COL10A1: variants seen among roughly 807,000 people sequenced by gnomAD.
COL10A1 encodes collagen type X alpha 1 chain.
COL10A1 carries 10 observed loss-of-function variants against 18.2 expected under a neutral mutation model. The ratio of observed to expected loss-of-function variants is 0.55; its 90% CI spans 0.34 to 0.93. COL10A1 has a LOEUF of 0.93. Ranked by LOEUF, COL10A1 falls within the 40% of genes least tolerant of loss-of-function variation. The probability of loss-of-function intolerance (pLI) is 0.02; values close to 1 mark genes in which losing one functional copy is unlikely to be tolerated. For synonymous variants in COL10A1, 330 were observed against 316.6 expected (o/e 1.04, Z -0.45); for missense variants, 897 against 853.5 (o/e 1.05, Z -0.64).
chr6:116,204,022 G>GA, the COL10A1 span, among the ~76,000 whole-genome samples: 242 of 151,566 alleles, frequency 1.6e-3, 1 homozygote, highest in African/African-American at 5.6e-3. Flanking sequence ...TAGACCCGCT[G>GA]AAAAAAAACC....
Position 116,120,973 on chromosome 6 carries a change from G to A in COL10A1, c.1143C>T (p.Ser381=). 1 of 1,613,902 alleles carries A rather than the reference G, an allele frequency of 6.2e-7. No individual in the cohort carries two copies. Among genetic ancestry groups the A allele is most frequent in the South Asian group, 1.1e-5 (1 of 91,064 alleles). The change falls in exon 3 of 3, where the codon TCC becomes TCT. Residue 381 remains serine, a synonymous_variant. Coordinates refer to ENST00000651968, the MANE Select transcript of COL10A1 (RefSeq NM_000493.4). The stretch of plus-strand genomic sequence containing the variant: ...ACCCTGGTTTTCCATCTGACCCAGG[G>A]GAACCCCTTTCACCCTTAGCCCCAG... ...GYPGAKGERG[S]PGSDGKPGYP...
In COL10A1 at chr6:116,120,428, G is replaced by A; in HGVS notation, c.1688C>T (p.Pro563Leu). Reference sequence around the variant, plus strand: ...AAATGGTATGGGAGTTCCTATTGCTGGGTAAGCTTTGGAGAGAATAACAGT... The same window carrying A: ...AAATGGTATGGGAGTTCCTATTGCTAGGTAAGCTTTGGAGAGAATAACAGT... ...AFTVILSKAY[P>L]AIGTPIPFDK... Residue 563 changes from proline to leucine, a missense_variant, in exon 3 of 3, where the codon CCA (proline) becomes CTA (leucine). By Grantham distance (98) the Pro-to-Leu change is moderately conservative (BLOSUM62 -3). Coordinates refer to ENST00000651968, the MANE Select transcript of COL10A1 (RefSeq NM_000493.4). 1 of 1,614,244 alleles carries A rather than the reference G, an allele frequency of 6.2e-7. No individual in the cohort carries two copies. Among genetic ancestry groups the A allele is most frequent in the East Asian group, 2.2e-5 (1 of 44,888 alleles).
chr6:116,136,907 G>A (rs1582826694), intron 1 of COL10A1, among the ~76,000 whole-genome samples: 3 of 152,282 alleles, frequency 2.0e-5, no homozygotes, highest in East Asian at 1.9e-4. Flanking sequence ...AATCCAGCCT[G>A]TGTTTGTCGT....
the COL10A1 span, among the ~76,000 whole-genome samples, chr6:116,206,492 A>G: frequency 6.6e-6 from 1 of 151,974 alleles, no homozygotes; most frequent in Non-Finnish European, 1.5e-5. Flanking sequence ...ACCCAGGAAC[A>G]CTGGAGACCA....
the COL10A1 span, among the ~76,000 whole-genome samples, chr6:116,213,467 G>A: frequency 6.6e-6 from 1 of 152,020 alleles, no homozygotes; most frequent in Non-Finnish European, 1.5e-5. Context: ...GCTACACCTG[G>A]AACTAACACA....
chr6:116,213,300 A>T, the COL10A1 span, among the ~76,000 whole-genome samples: 1 of 152,168 alleles, frequency 6.6e-6, no homozygotes, highest in East Asian at 1.9e-4. Context: ...TTTTAGCTCA[A>T]CACTCAGCTG....
At chr6:116,194,753 A>G in the COL10A1 span, among the ~76,000 whole-genome samples, 1 of 152,096 alleles carries the variant, frequency 6.6e-6, no homozygotes. Flanking sequence ...AGAGTTAGAA[A>G]CAAATGACTA....
the COL10A1 span, among the ~76,000 whole-genome samples, chr6:116,181,061 G>T: frequency 6.6e-6 from 1 of 150,966 alleles, no homozygotes; most frequent in African/African-American, 2.5e-5. Flanking sequence ...ATGGTATCTT[G>T]AATTTACTTT....
rs1478373203 is a variant in COL10A1, at chr6:116,121,668, C to A, written c.448G>T (p.Ala150Ser). Residue 150 changes from alanine to serine, a missense_variant, in exon 3 of 3, where the codon GCT (alanine) becomes TCT (serine). Coordinates refer to ENST00000651968, the MANE Select transcript of COL10A1 (RefSeq NM_000493.4). The part of the protein sequence containing the change: ...PPGPPGIPGP[A>S]GISVPGKPGQ... ...GGTTTTCCTGGCACAGAAATTCCAGCCGGTCCAGGGATTCCAGGTGGTCCT... is the reference window on the plus strand; with the variant it reads ...GGTTTTCCTGGCACAGAAATTCCAGACGGTCCAGGGATTCCAGGTGGTCCT... 3.1e-6 allele frequency: 5 copies of A among 1,613,886 alleles called. No individual in the cohort carries two copies. The highest frequency in any genetic ancestry group is 4.2e-6 in the Non-Finnish European group (5 of 1,179,820).
At position 116,121,619 on chromosome 6, in the gene COL10A1, G is replaced by C; in HGVS notation, c.497C>G (p.Ala166Gly). Residue 166 changes from alanine to glycine, a missense_variant, in exon 3 of 3, where the codon GCC becomes GGC. Coordinates refer to ENST00000651968, the MANE Select transcript of COL10A1 (RefSeq NM_000493.4). The part of the protein sequence containing the change: ...GKPGQQGPTG[A>G]PGPRGFPGEK... The stretch of plus-strand genomic sequence containing the variant: ...TCCAGGAAAGCCCCTGGGTCCTGGG[G>C]CTCCTGTGGGTCCCTGTTGTCCAGG... 1 of 1,613,908 alleles carries C rather than the reference G, an allele frequency of 6.2e-7. No individual in the cohort carries two copies.
chr6:116,134,424 C>T (rs891484355), intron 1 of COL10A1, among the ~76,000 whole-genome samples: 4 of 152,126 alleles, frequency 2.6e-5, no homozygotes, highest in Admixed American at 6.6e-5. Flanking sequence ...CTTTCCTGAA[C>T]GTAATTCAAG....
chr6:116,121,802 A>G lies in COL10A1; in HGVS notation c.314T>C (p.Val105Ala), dbSNP rs1276767457. 1.2e-6 allele frequency: 2 copies of G among 1,612,218 alleles called. No individual in the cohort carries two copies. Among genetic ancestry groups the G allele is most frequent in the Admixed American group, 1.7e-5 (1 of 59,854 alleles). ...GLPGPPGPSA[V>A]GKPGVPGLPG... Reference sequence around the variant, plus strand: ...GAGTCCTGGCACACCTGGTTTCCCTACAGCTGATGGTCCCGGTGGTCCTGG... The same window carrying G: ...GAGTCCTGGCACACCTGGTTTCCCTGCAGCTGATGGTCCCGGTGGTCCTGG... The change falls in exon 3 of 3, where the codon GTA becomes GCA. Residue 105 changes from valine to alanine, a missense_variant. By Grantham distance (64) the Val-to-Ala change is moderately conservative. Transcript: ENST00000651968.
chr6:116,133,019 C>T (rs1014462907), intron 1 of COL10A1, among the ~76,000 whole-genome samples: 2 of 151,986 alleles, frequency 1.3e-5, no homozygotes, highest in African/African-American at 4.8e-5. Context: ...TATGAAAAAC[C>T]CCTGAAACGT....
the COL10A1 span, among the ~76,000 whole-genome samples, chr6:116,208,816 A>G: frequency 2.1e-3 from 326 of 152,156 alleles, 1 homozygote; most frequent in African/African-American, 7.7e-3. Context: ...TAGCAAAGGC[A>G]CATATAGATA....
At chr6:116,205,723 T>C in the COL10A1 span, among the ~76,000 whole-genome samples, 1 of 152,026 alleles carries the variant, frequency 6.6e-6, no homozygotes, top group Non-Finnish European at 1.5e-5. Flanking sequence ...TTTTCACTAA[T>C]TGTATTTACA....
the COL10A1 span, among the ~76,000 whole-genome samples, chr6:116,175,665 C>G: frequency 6.6e-6 from 1 of 152,114 alleles, no homozygotes; most frequent in African/African-American, 2.4e-5. Flanking sequence ...GACTACTGTT[C>G]AAGTTCAGTG....
At position 116,123,437 on chromosome 6, in the gene COL10A1, A is replaced by G. The variant is rs57868643; in HGVS notation, c.155-1476T>C. Among the ~76,000 whole-genome samples, 301 of 152,314 alleles carry G rather than the reference A, an allele frequency of 2.0e-3. 1 individual carries two copies. The highest frequency in any genetic ancestry group is 7.1e-3 in the African/African-American group (295 of 41,570). On this transcript the variant is annotated intron_variant, in intron 2 of 2. Coordinates refer to ENST00000651968, the MANE Select transcript of COL10A1 (RefSeq NM_000493.4). ...GCACAATCCTCAAGGTAAAACGACT[A>G]CTTCCTTCTATTAAGTTTTTTAAAT...
At chr6:116,178,092 C>T in the COL10A1 span, among the ~76,000 whole-genome samples, 17,281 of 67,826 alleles carry the variant, frequency 0.25, 1,119 homozygotes, top group Middle Eastern at 0.34. Context: ...TGTGTGTGCG[C>T]GCGCGCGCGC....
intron 1 of COL10A1, among the ~76,000 whole-genome samples, chr6:116,155,372 G>A (rs944107682): frequency 1.3e-5 from 2 of 151,888 alleles, no homozygotes; most frequent in African/African-American, 2.4e-5. Context: ...TTATTTTTTG[G>A]TTTTTGTCAC....
Sources: gnomAD v4.1 joint callset for allele counts (sites outside exome capture counted in the v4.1 genomes callset) on GRCh38, gnomAD v4.1.1 for gene constraint, MANE v1.5 for transcripts, NCBI Gene and HGNC (gene_info 2026-07-23, HGNC 2026-07-21) for gene names.